Variants in DCK observed in about 807,000 individuals in gnomAD.
The protein encoded by DCK is deoxyadenosine kinase.
Under a neutral mutation model 38.3 loss-of-function variants are expected in DCK, and 23 were observed. The observed-to-expected ratio is 0.60, with a 90% CI of 0.43 to 0.85. The LOEUF is 0.85. Among genes scored for constraint, DCK ranks in the 40% least tolerant of loss-of-function variants. DCK has a pLI of 0.00. For synonymous variants in DCK, 108 were observed against 100.6 expected (o/e 1.07, Z -0.44); for missense variants, 259 against 304.4 (o/e 0.85, Z 1.11).
At chr4:71,002,798 T>A (rs1254830705) in intron 2 of DCK, among the ~76,000 whole-genome samples, 14 of 152,196 alleles carry the variant, frequency 9.2e-5, no homozygotes, top group Admixed American at 9.2e-4. Flanking sequence ...TTTTTTTGCT[T>A]TCCATTTGCT....
rs568138503 is a variant in DCK, at chr4:71,013,942, C to A, written c.208-8425C>A. Among the ~76,000 whole-genome samples, 34 of 152,242 alleles carry A rather than the reference C, an allele frequency of 2.2e-4. No homozygotes were observed. In the South Asian group the frequency reaches 6.6e-3, roughly 30 times the overall value. The stretch of plus-strand genomic sequence containing the variant: ...CTTAAATGTAAATGGGCTAAATACT[C>A]CAATTGAAAGACACAGACTGGAAAA... On this transcript the variant is annotated intron_variant, in intron 2 of 6. Transcript: ENST00000286648.
intron 1 of DCK, among the ~76,000 whole-genome samples, chr4:70,997,074 C>G (rs147180575): frequency 6.6e-6 from 1 of 152,098 alleles, no homozygotes; most frequent in African/African-American, 2.4e-5. Flanking sequence ...TGTTATTACT[C>G]TTAGACTTTT....
At chr4:71,010,165 G>GCT (rs1740048507) in intron 2 of DCK, among the ~76,000 whole-genome samples, 1 of 119,828 alleles carries the variant, frequency 8.3e-6, no homozygotes, top group African/African-American at 4.2e-5. Context: ...TGCTGTTTTA[G>GCT]CTTTTTTTTT....
In DCK at chr4:70,994,970, C is replaced by A. The variant is rs1044298197; in HGVS notation, c.91+1044C>A. Reference sequence around the variant, plus strand: ...GATTTAAAAAAAAATTTTTTTAGCTCCAGGTTGGGTGCTGGTCATTCATGC... The same window carrying A: ...GATTTAAAAAAAAATTTTTTTAGCTACAGGTTGGGTGCTGGTCATTCATGC... On this transcript the variant is annotated intron_variant, in intron 1 of 6. Coordinates refer to ENST00000286648, the MANE Select transcript of DCK (RefSeq NM_000788.3). Among the ~76,000 whole-genome samples, 13 of 152,246 alleles carry A rather than the reference C, an allele frequency of 8.5e-5. 1 individual carries two copies. The highest frequency in any genetic ancestry group is 7.2e-4 in the Admixed American group (11 of 15,296).
At chr4:71,011,585 TG>T (rs1271710123) in intron 2 of DCK, among the ~76,000 whole-genome samples, 1 of 152,170 alleles carries the variant, frequency 6.6e-6, no homozygotes, top group African/African-American at 2.4e-5. Flanking sequence ...CTCAAACTCC[TG>T]GGATCAAGCA....
At chr4:70,995,097 A>G (rs1412512570) in intron 1 of DCK, among the ~76,000 whole-genome samples, 1 of 152,216 alleles carries the variant, frequency 6.6e-6, no homozygotes, top group Non-Finnish European at 1.5e-5. Flanking sequence ...GAATAGAAAA[A>G]CTGCATTCTC....
In DCK at chr4:70,998,823, C is replaced by T. The variant is rs1303918949; in HGVS notation, c.207+641C>T. ...CCTGAATTCCACCTGCTTGTAAAGC[C>T]GAGGTAGGAGAATTTCTTGAACCCA... is the stretch of plus-strand genomic sequence containing the variant. On this transcript the variant is annotated intron_variant, in intron 2 of 6. Coordinates refer to ENST00000286648, the MANE Select transcript of DCK (RefSeq NM_000788.3). 7.9e-5 allele frequency among the ~76,000 whole-genome samples: 12 copies of T among 151,400 alleles called. No individual in the cohort carries two copies. In the South Asian group the frequency reaches 2.1e-3, roughly 26 times the overall value.
chr4:70,994,363 A>G (rs897650074), intron 1 of DCK, among the ~76,000 whole-genome samples: 8 of 152,138 alleles, frequency 5.3e-5, no homozygotes, highest in Admixed American at 4.6e-4. Flanking sequence ...GAAAGTTCCT[A>G]CCTGCTCCTT....
intron 2 of DCK, among the ~76,000 whole-genome samples, chr4:71,005,052 C>T (rs1739906234): frequency 6.6e-6 from 1 of 152,176 alleles, no homozygotes; most frequent in East Asian, 1.9e-4. Context: ...CTGCAGCTAA[C>T]TCCGTGTCTG....
intron 2 of DCK, among the ~76,000 whole-genome samples, chr4:71,011,875 T>A (rs1740098032): frequency 6.9e-6 from 1 of 145,384 alleles, no homozygotes; most frequent in East Asian, 2.1e-4. Flanking sequence ...AATGGACATA[T>A]ATTATAGAGA....
intron 4 of DCK, 91 bp from the exon 5 acceptor site, chr4:71,025,725 T>G (rs1560689016): frequency 4.1e-6 from 6 of 1,450,368 alleles, no homozygotes; most frequent in East Asian, 4.9e-5. Flanking sequence ...CTAGCGTGAG[T>G]AGAGAGACAC....
At chr4:71,002,338 T>G (rs1048480419) in intron 2 of DCK, among the ~76,000 whole-genome samples, 2 of 152,202 alleles carry the variant, frequency 1.3e-5, no homozygotes, top group Non-Finnish European at 2.9e-5. Flanking sequence ...CAGACTGTTA[T>G]GATTTCCATT....
At chr4:71,003,973 A>T (rs2148913351) in intron 2 of DCK, among the ~76,000 whole-genome samples, 1 of 152,326 alleles carries the variant, frequency 6.6e-6, no homozygotes, top group African/African-American at 2.4e-5. Context: ...CGTCACACTT[A>T]TTCTCCATCC....
At chr4:71,014,989 T>G (rs1419646142) in intron 2 of DCK, among the ~76,000 whole-genome samples, 4 of 152,134 alleles carry the variant, frequency 2.6e-5, no homozygotes, top group Non-Finnish European at 4.4e-5. Context: ...GGAGCTGGTT[T>G]TTTGAAAAGA....
rs1434447798 is a variant in DCK, at chr4:70,994,103, C to T, written c.91+177C>T. The T allele has an allele frequency of 6.4e-6, 4 of 624,482 alleles. No homozygotes were observed. The African/African-American group carries it at 7.3e-5, about 11-fold the overall frequency. The allele number at this position is 624,482 out of a possible 1,614,324, so 38.7% of individuals were successfully genotyped here. On this transcript the variant is annotated intron_variant, in intron 1 of 6. Coordinates refer to ENST00000286648, the MANE Select transcript of DCK (RefSeq NM_000788.3). ...GAGCATCCTTCCCTTACCTCCCGCT[C>T]CACGGGGTGACTGCGGTCCCCGGGG...
chr4:71,021,798 G>T (rs4021444), intron 2 of DCK, among the ~76,000 whole-genome samples: 2 of 152,126 alleles, frequency 1.3e-5, no homozygotes, highest in Non-Finnish European at 2.9e-5. Context: ...GTCAGGAGAT[G>T]GAGACCATCC....
At chr4:71,019,028 T>G (rs1740343462) in intron 2 of DCK, among the ~76,000 whole-genome samples, 1 of 152,172 alleles carries the variant, frequency 6.6e-6, no homozygotes, top group Admixed American at 6.5e-5. Context: ...CCCTAGCAAT[T>G]TGTCTCAAAT....
At chr4:71,002,186 G>A (rs959531543) in intron 2 of DCK, among the ~76,000 whole-genome samples, 4 of 152,106 alleles carry the variant, frequency 2.6e-5, no homozygotes, top group Non-Finnish European at 4.4e-5. Context: ...GTTCTCATTG[G>A]TTGCAAAGAA....
At chr4:71,025,190 C>A (rs1300154379) in intron 4 of DCK, among the ~76,000 whole-genome samples, 1 of 152,004 alleles carries the variant, frequency 6.6e-6, no homozygotes, top group Non-Finnish European at 1.5e-5. Context: ...TAGAGCTGCA[C>A]TGTCCAATGT....
Sources: allele counts gnomAD v4.1 joint callset (sites outside exome capture counted in the v4.1 genomes callset), GRCh38; gene constraint gnomAD v4.1.1; transcripts MANE v1.5; gene names NCBI Gene and HGNC (gene_info 2026-07-23, HGNC 2026-07-21).